Variants in IL1RAP observed in about 807,000 individuals in gnomAD.
IL1RAP encodes the protein interleukin-1 receptor accessory protein.
Under a neutral mutation model 60.7 loss-of-function variants are expected in IL1RAP, and 35 were observed. That is an observed-to-expected ratio of 0.58 (90% CI 0.44 to 0.76). IL1RAP has a LOEUF of 0.76. Ranked by LOEUF, IL1RAP falls within the 30% of genes least tolerant of loss-of-function variation. The pLI, the probability that IL1RAP is intolerant of heterozygous loss-of-function variation, is 0.00. For synonymous variants in IL1RAP, 268 were observed against 250.9 expected (o/e 1.07, Z -0.64); for missense variants, 572 against 693.9 (o/e 0.82, Z 1.97).
intron 3 of IL1RAP, among the ~76,000 whole-genome samples, chr3:190,588,238 T>C (rs1353200153): frequency 1.3e-5 from 2 of 152,138 alleles, no homozygotes; most frequent in Admixed American, 6.5e-5. Flanking sequence ...CTCAGCCTCC[T>C]GAGTAGCTGG....
chr3:190,566,550 A>G (rs1726418806), intron 3 of IL1RAP, among the ~76,000 whole-genome samples: 1 of 152,176 alleles, frequency 6.6e-6, no homozygotes, highest in Non-Finnish European at 1.5e-5. Context: ...ACTGTGACTC[A>G]TAATTCTGCC....
At chr3:190,542,367 C>T (rs1297608836) in intron 1 of IL1RAP, among the ~76,000 whole-genome samples, 3 of 152,116 alleles carry the variant, frequency 2.0e-5, no homozygotes, top group Non-Finnish European at 2.9e-5. Context: ...TTAGACACTT[C>T]ACCTTTCTGC....
rs1734281802 is a variant in IL1RAP, at chr3:190,649,788, A to G, written c.*1083A>G. The stretch of plus-strand genomic sequence containing the variant: ...TCACCTATTCACTAGTGCAGGAAAT[A>G]TACTTGCTCCAAATAAGTCAGTATG... On this transcript the variant is annotated 3_prime_UTR_variant, in exon 12 of 12. Transcript: ENST00000447382. 19 of 985,438 alleles carry G rather than the reference A, an allele frequency of 1.9e-5. No individual in the cohort carries two copies. Among genetic ancestry groups the G allele is most frequent in the Non-Finnish European group, 2.3e-5 (19 of 829,844 alleles). The allele number at this position is 985,438 out of a possible 1,614,324, so 61.0% of individuals were successfully genotyped here. A position where few individuals can be genotyped will look rare whatever the true frequency, so the allele number is the denominator to read the frequency against.
chr3:190,551,238 T>C (rs150672290), intron 1 of IL1RAP, among the ~76,000 whole-genome samples: 146 of 152,366 alleles, frequency 9.6e-4, no homozygotes, highest in African/African-American at 3.3e-3. Flanking sequence ...TCATTGGCTC[T>C]GCAAGTTGAG....
intron 1 of IL1RAP, among the ~76,000 whole-genome samples, chr3:190,542,511 T>A (rs1388679222): frequency 6.6e-6 from 1 of 152,158 alleles, no homozygotes; most frequent in Non-Finnish European, 1.5e-5. Context: ...AACTGAGTAA[T>A]GTACTTAACA....
chr3:190,631,138 T>C (rs1228930950), intron 9 of IL1RAP, among the ~76,000 whole-genome samples: 1 of 152,192 alleles, frequency 6.6e-6, no homozygotes, highest in Non-Finnish European at 1.5e-5. Context: ...GGAAGTTGGA[T>C]TATAGTGGCA....
intron 1 of IL1RAP, among the ~76,000 whole-genome samples, chr3:190,552,575 C>T (rs1167137922): frequency 6.6e-6 from 1 of 152,170 alleles, no homozygotes; most frequent in Non-Finnish European, 1.5e-5. Context: ...TGCTTATCTT[C>T]CTTTAGGACA....
intron 2 of IL1RAP, 140 bp from the exon 3 acceptor site, chr3:190,564,149 T>G: frequency 1.6e-6 from 1 of 611,292 alleles, no homozygotes; most frequent in Non-Finnish European, 3.0e-6. Context: ...TGGTTGGTTC[T>G]GACAATGAAA....
At chr3:190,656,528 C>T (rs1479960879) in exon 12 of IL1RAP, 2 of 1,537,272 alleles carry the variant, frequency 1.3e-6, no homozygotes, top group East Asian at 4.9e-5. Flanking sequence ...AGATTGGAAC[C>T]CCCTGCTCCC....
chr3:190,588,431 A>G (rs1405774953), intron 3 of IL1RAP, among the ~76,000 whole-genome samples: 1 of 152,146 alleles, frequency 6.6e-6, no homozygotes, highest in Admixed American at 6.5e-5. Context: ...CTAAGCAACC[A>G]TCTTCATTAT....
At chr3:190,640,906 T>C (rs1393993673) in intron 9 of IL1RAP, among the ~76,000 whole-genome samples, 1 of 152,202 alleles carries the variant, frequency 6.6e-6, no homozygotes, top group African/African-American at 2.4e-5. Flanking sequence ...GAGAGAAGTT[T>C]AGGAGTCCAG....
At chr3:190,638,440 G>A (rs986978976) in intron 9 of IL1RAP, among the ~76,000 whole-genome samples, 1 of 152,020 alleles carries the variant, frequency 6.6e-6, no homozygotes, top group African/African-American at 2.4e-5. Context: ...CAAACATTTT[G>A]TTCATTTTAT....
chr3:190,586,182 T>C (rs903040876), intron 3 of IL1RAP, among the ~76,000 whole-genome samples: 14 of 152,230 alleles, frequency 9.2e-5, no homozygotes, highest in Non-Finnish European at 1.9e-4. Context: ...GTTGCATCTT[T>C]ATTTTTTCCT....
intron 3 of IL1RAP, among the ~76,000 whole-genome samples, chr3:190,591,337 G>C (rs938226593): frequency 6.6e-6 from 1 of 152,136 alleles, no homozygotes; most frequent in Non-Finnish European, 1.5e-5. Flanking sequence ...GTTTAGAACG[G>C]GGTTGTTGGA....
intron 1 of IL1RAP, among the ~76,000 whole-genome samples, chr3:190,529,513 C>G (rs1015500823): frequency 2.0e-5 from 3 of 151,878 alleles, no homozygotes; most frequent in African/African-American, 7.3e-5. Flanking sequence ...GGTGAAACCC[C>G]ATCTCTACTA....
intron 5 of IL1RAP, among the ~76,000 whole-genome samples, chr3:190,616,568 T>G (rs180843758): frequency 6.6e-6 from 1 of 152,330 alleles, no homozygotes; most frequent in Non-Finnish European, 1.5e-5. Flanking sequence ...TTCTAAGACT[T>G]CATAGCAAAG....
Position 190,542,911 on chromosome 3 carries a change from A to G in IL1RAP, c.-88-13219A>G, listed in dbSNP as rs1366152754. Among the ~76,000 whole-genome samples the G allele has an allele frequency of 1.2e-4, 17 of 146,094 alleles. No individual in the cohort carries two copies. The Admixed American group carries it at 1.2e-3, about 10-fold the overall frequency. The stretch of plus-strand genomic sequence containing the variant: ...TTTTTTTTTTTTTTGGCTAGCATCA[A>G]CAGGCTCAGGGGAGTTCACCCTAGC... On this transcript the variant is annotated intron_variant, in intron 1 of 11. Coordinates refer to ENST00000447382, the MANE Select transcript of IL1RAP (RefSeq NM_002182.4).
At chr3:190,610,399 GA>G (rs1482283078) in intron 5 of IL1RAP, among the ~76,000 whole-genome samples, 2 of 151,498 alleles carry the variant, frequency 1.3e-5, no homozygotes, top group African/African-American at 2.4e-5. Context: ...TACAAACTTA[GA>G]AGAAAATAAA....
chr3:190,533,392 C>T (rs1490133124), intron 1 of IL1RAP, among the ~76,000 whole-genome samples: 4 of 152,252 alleles, frequency 2.6e-5, no homozygotes, highest in Middle Eastern at 3.4e-3. Flanking sequence ...AAGGCCTTTC[C>T]GGCCTTGAGA....
Sources: allele counts gnomAD v4.1 joint callset (sites outside exome capture counted in the v4.1 genomes callset), GRCh38; gene constraint gnomAD v4.1.1; transcripts MANE v1.5; gene names NCBI Gene and HGNC (gene_info 2026-07-23, HGNC 2026-07-21).